The following TMEM108 variants were observed in gnomAD, a reference collection of about 807,000 sequenced individuals.
The protein encoded by TMEM108 is cancer/testis antigen 124.
A neutral mutation model predicts 35.1 loss-of-function variants in TMEM108; 12 were observed. The observed-to-expected ratio is 0.34, with a 90% CI of 0.22 to 0.55. The LOEUF is 0.55. TMEM108 is among the 20% of genes least tolerant of loss of function. The probability of loss-of-function intolerance (pLI) is 0.89; values close to 1 mark genes in which losing one functional copy is unlikely to be tolerated. For synonymous variants in TMEM108, 287 were observed against 308.6 expected (o/e 0.93, Z 0.73); for missense variants, 680 against 753.3 (o/e 0.90, Z 1.14).
At chr3:133,188,520 TATTAAGAA>T (rs1945454562) in intron 2 of TMEM108, among the ~76,000 whole-genome samples, 1 of 152,062 alleles carries the variant, frequency 6.6e-6, no homozygotes, top group Non-Finnish European at 1.5e-5. Context: ...AGGTTTGTAC[TATTAAGAA>T]AATTACTTCC....
intron 2 of TMEM108, among the ~76,000 whole-genome samples, chr3:133,087,257 C>A (rs1943895634): frequency 6.6e-6 from 1 of 152,190 alleles, no homozygotes; most frequent in African/African-American, 2.4e-5. Flanking sequence ...TTGGTGAGTT[C>A]TAACTGCTAC....
At chr3:133,046,519 C>G (rs1943342435) in intron 2 of TMEM108, among the ~76,000 whole-genome samples, 1 of 152,192 alleles carries the variant, frequency 6.6e-6, no homozygotes, top group Admixed American at 6.5e-5. Context: ...TATAATAGCA[C>G]TAGCAAAGTA....
chr3:133,177,872 T>C (rs1002299635), intron 2 of TMEM108, among the ~76,000 whole-genome samples: 4 of 152,126 alleles, frequency 2.6e-5, no homozygotes, highest in African/African-American at 9.7e-5. Flanking sequence ...GAAGTCAAAT[T>C]GTCCCTGTTT....
chr3:133,375,715 A>G (rs1114630), intron 3 of TMEM108, among the ~76,000 whole-genome samples: 46,916 of 152,098 alleles, frequency 0.31, 7,528 homozygotes, highest in East Asian at 0.42. Flanking sequence ...TAGAGGTTGG[A>G]GGTGGTATTT....
intron 2 of TMEM108, among the ~76,000 whole-genome samples, chr3:133,207,851 A>G (rs777478751): frequency 2.0e-5 from 3 of 152,190 alleles, no homozygotes; most frequent in Non-Finnish European, 2.9e-5. Context: ...ACCACACTCA[A>G]TGCATGCAAC....
intron 2 of TMEM108, among the ~76,000 whole-genome samples, chr3:133,112,070 T>C (rs61482498): frequency 0.01 from 1,566 of 152,232 alleles, 33 homozygotes; most frequent in African/African-American, 0.036. Flanking sequence ...TTTTTTTCTT[T>C]CCTAAAGAAA....
intron 3 of TMEM108, among the ~76,000 whole-genome samples, chr3:133,297,449 AAGAG>A (rs1947161244): frequency 6.6e-6 from 1 of 152,202 alleles, no homozygotes; most frequent in African/African-American, 2.4e-5. Flanking sequence ...TGAAAGAAGA[AAGAG>A]GGAAAGCTTC....
intron 2 of TMEM108, among the ~76,000 whole-genome samples, chr3:133,094,192 ATTCT>A (rs1046808040): frequency 1.3e-5 from 2 of 148,808 alleles, no homozygotes; most frequent in African/African-American, 2.5e-5. Flanking sequence ...AATGTGAGTC[ATTCT>A]TTCTTTCTCC....
At chr3:133,379,683 G>A in intron 3 of TMEM108, 69 bp from the exon 4 acceptor site, 1 of 1,502,086 alleles carries the variant, frequency 6.7e-7, no homozygotes. Flanking sequence ...CTAGGCCACA[G>A]GTAAGAAAGG....
At chr3:133,080,472 A>C (rs974559627) in intron 2 of TMEM108, among the ~76,000 whole-genome samples, 6 of 152,210 alleles carry the variant, frequency 3.9e-5, no homozygotes, top group African/African-American at 7.2e-5. Flanking sequence ...CAATAACTTC[A>C]AGGAAGGAAT....
chr3:133,273,000 A>G (rs545643374), intron 3 of TMEM108, among the ~76,000 whole-genome samples: 1 of 152,338 alleles, frequency 6.6e-6, no homozygotes, highest in African/African-American at 2.4e-5. Context: ...CCCCCATTAC[A>G]GACAGAGAAG....
intron 2 of TMEM108, among the ~76,000 whole-genome samples, chr3:133,084,337 G>C (rs1175291120): frequency 1.3e-5 from 2 of 152,118 alleles, no homozygotes; most frequent in African/African-American, 4.8e-5. Context: ...ACTGTCACTA[G>C]AACAATCAGT....
chr3:133,275,845 C>T (rs1481214558), intron 3 of TMEM108, among the ~76,000 whole-genome samples: 2 of 152,124 alleles, frequency 1.3e-5, no homozygotes, highest in East Asian at 3.8e-4. Context: ...GAGGATTTGC[C>T]TTTTGAAATT....
chr3:133,067,433 T>C (rs1228832793), intron 2 of TMEM108, among the ~76,000 whole-genome samples: 1 of 152,192 alleles, frequency 6.6e-6, no homozygotes, highest in African/African-American at 2.4e-5. Flanking sequence ...CCTTCACAAC[T>C]TCTCTCTTGT....
At chr3:133,094,106 A>G (rs1943981257) in intron 2 of TMEM108, among the ~76,000 whole-genome samples, 1 of 151,918 alleles carries the variant, frequency 6.6e-6, no homozygotes, top group African/African-American at 2.4e-5. Context: ...TCCAAAGGAA[A>G]TTCCTCTCAT....
chr3:133,156,919 G>A (rs1401273837), intron 2 of TMEM108, among the ~76,000 whole-genome samples: 1 of 152,096 alleles, frequency 6.6e-6, no homozygotes, highest in Non-Finnish European at 1.5e-5. Flanking sequence ...AATTCACCGG[G>A]GGTCCCTTGA....
chr3:133,234,572 A>T (rs1946205141), intron 3 of TMEM108, among the ~76,000 whole-genome samples: 1 of 152,210 alleles, frequency 6.6e-6, no homozygotes, highest in South Asian at 2.1e-4. Flanking sequence ...AAAAACTCTC[A>T]ATAAATTAGG....
At chr3:133,376,678 C>T (rs954971513) in intron 3 of TMEM108, among the ~76,000 whole-genome samples, 3 of 152,190 alleles carry the variant, frequency 2.0e-5, no homozygotes, top group Non-Finnish European at 4.4e-5. Flanking sequence ...CTGACGTCCC[C>T]TGTGAGTTTG....
At chr3:133,176,472 A>G (rs2107796728) in intron 2 of TMEM108, among the ~76,000 whole-genome samples, 1 of 152,292 alleles carries the variant, frequency 6.6e-6, no homozygotes, top group South Asian at 2.1e-4. Flanking sequence ...ATTGTCTCTC[A>G]GACCACAGTG....
Sources: gnomAD v4.1 joint callset for allele counts (sites outside exome capture counted in the v4.1 genomes callset) on GRCh38, gnomAD v4.1.1 for gene constraint, MANE v1.5 for transcripts, NCBI Gene and HGNC (gene_info 2026-07-23, HGNC 2026-07-21) for gene names.